The following PRRG3 variants were observed in gnomAD, a reference collection of about 807,000 sequenced individuals.
PRRG3 encodes the protein proline rich and Gla domain 3, also known as transmembrane gamma-carboxyglutamic acid protein 3.
Under a neutral mutation model 15.8 loss-of-function variants are expected in PRRG3, and 21 were observed. The observed-to-expected ratio is 1.33, with a 90% CI of 0.94 to 1.92. The LOEUF (loss-of-function observed/expected upper bound fraction) is 1.92, where lower values mean the gene tolerates loss of function less well. PRRG3 is among the 40% of genes most tolerant of loss of function. The pLI is 0.00. For missense variants in PRRG3, 251 were observed against 200.2 expected (o/e 1.25, Z -1.53); for synonymous variants, 125 against 84.1 (o/e 1.49, Z -2.66).
rs113076192 is a variant in PRRG3 at position 151,696,784 on chromosome X, A to C, written c.-32+1240A>C. On this transcript the variant is annotated intron_variant, in intron 1 of 3. Transcript: ENST00000674457. ...TCCATAATGCAAGCAGAATTTTGAGATCATATTCCATCTTGGTTCTGACAA... is the reference window on the plus strand; with the variant it reads ...TCCATAATGCAAGCAGAATTTTGAGCTCATATTCCATCTTGGTTCTGACAA... Among the ~76,000 whole-genome samples the C allele has an allele frequency of 3.7e-3, 410 of 110,335 alleles. 3 individuals carry two copies. The highest frequency in any genetic ancestry group is 0.013 in the African/African-American group (387 of 30,397).
At position 151,701,053 on chromosome X, in the gene PRRG3, C is replaced by A. The variant is rs746457815; in HGVS notation, c.*20C>A. ...AAGTAGTGGGACGTTTGTGCCCTGTCCTGGATGAACGCCTCTTTCCGAGGT... is the reference window on the plus strand; with the variant it reads ...AAGTAGTGGGACGTTTGTGCCCTGTACTGGATGAACGCCTCTTTCCGAGGT... On this transcript the variant is annotated 3_prime_UTR_variant, in exon 4 of 4. Coordinates refer to ENST00000674457, the MANE Select transcript of PRRG3 (RefSeq NM_001372163.1). The A allele has an allele frequency of 1.7e-5, 18 of 1,084,544 alleles. No homozygotes were observed. The highest frequency in any genetic ancestry group is 2.2e-5 in the Non-Finnish European group (18 of 828,633). The allele number at this position is 1,084,544 out of a possible 1,213,427, so 89.4% of individuals were successfully genotyped here.
rs1444567111 is a variant in PRRG3, at chrX:151,702,860, C to T, written c.*1827C>T. 3 of 112,431 alleles carry T rather than the reference C, an allele frequency of 2.7e-5. No homozygotes were observed. The highest frequency in any genetic ancestry group is 9.7e-5 in the African/African-American group (3 of 30,946). The allele number at this position is 112,431 out of a possible 1,213,427, so 9.3% of individuals were successfully genotyped here. On this transcript the variant is annotated 3_prime_UTR_variant, in exon 4 of 4. Transcript: ENST00000674457. ...CAAAGGGGTTTTTGGCTTAAGAGGC[C>T]CCTGCTTTTTCCATGTTGGGGGACC...
upstream of PRRG3, among the ~76,000 whole-genome samples, chrX:151,694,699 CT>C (rs1161016683): frequency 9.1e-6 from 1 of 109,934 alleles, no homozygotes; most frequent in Non-Finnish European, 1.9e-5. Flanking sequence ...GCTAGCCCCC[CT>C]CTCTTTTCGT....
chrX:151,697,381 C>T (rs2014785666), intron 1 of PRRG3, among the ~76,000 whole-genome samples: 1 of 110,090 alleles, frequency 9.1e-6, no homozygotes, highest in African/African-American at 3.3e-5. Flanking sequence ...TCAAGCCAGT[C>T]CCAAACTCCT....
rs2014863565 is a variant in PRRG3 at position 151,700,830 on chromosome X, G to A, written c.493G>A (p.Gly165Ser). The change falls in exon 4 of 4, where the codon GGC (glycine) becomes AGC (serine). Residue 165 changes from glycine to serine, a missense_variant. Gly to Ser is a moderately conservative substitution (Grantham distance 56, BLOSUM62 0). Transcript: ENST00000674457. ...PQVVLGPSRG[G>S]RTTVRLESTL... is the part of the protein sequence containing the mutation. ...GGTGGTGCTGGGGCCCAGTCGGGGG[G>A]GCAGGACCACAGTCCGGCTAGAGAG... is the stretch of plus-strand genomic sequence containing the variant. 3 of 1,195,644 alleles carry A rather than the reference G, an allele frequency of 2.5e-6. No individual in the cohort carries two copies. The highest frequency in any genetic ancestry group is 3.0e-5 in the East Asian group (1 of 33,483).
chrX:151,705,892 A>T lies in PRRG3; in HGVS notation c.*4859A>T, dbSNP rs2014964649. The stretch of plus-strand genomic sequence containing the variant: ...TTGTCTCCTTCTTTACAAGAAAACA[A>T]TAATAATAAAGAGCAAATGGCATCC... On this transcript the variant is annotated 3_prime_UTR_variant, in exon 4 of 4. Transcript: ENST00000674457. 8.8e-6 allele frequency: 1 copy of T among 113,373 alleles called. No homozygotes were observed. Among genetic ancestry groups the T allele is most frequent in the African/African-American group, 3.2e-5 (1 of 30,799 alleles). 9.3% of individuals were successfully genotyped at this position (113,373 alleles called of 1,213,427 possible).
chrX:151,700,293 G>A (rs1469919562), intron 3 of PRRG3, 137 bp downstream of exon 3: 5 of 1,166,918 alleles, frequency 4.3e-6, no homozygotes, highest in Non-Finnish European at 5.7e-6. Flanking sequence ...CCATCACGGA[G>A]CAGATAAAGT....
intron 2 of PRRG3, 91 bp from the exon 3 acceptor site, chrX:151,699,905 A>G: frequency 1.0e-6 from 1 of 953,167 alleles, no homozygotes; most frequent in Non-Finnish European, 1.4e-6. Flanking sequence ...GTTTCCCTGC[A>G]TAATTATGCT....
upstream of PRRG3, chrX:151,695,000 G>A (rs762639364): frequency 9.2e-6 from 1 of 108,623 alleles, no homozygotes; most frequent in South Asian, 3.7e-4. Flanking sequence ...CGCGGTGCTC[G>A]GTGCGCGCCG....
intron 2 of PRRG3, among the ~76,000 whole-genome samples, chrX:151,699,411 A>G (rs986029480): frequency 1.8e-5 from 2 of 112,322 alleles, no homozygotes; most frequent in Non-Finnish European, 3.8e-5. Context: ...AGGCTCGTGT[A>G]TGCCCACTTG....
chrX:151,696,907 G>A, intron 1 of PRRG3, among the ~76,000 whole-genome samples: 1 of 112,215 alleles, frequency 8.9e-6, no homozygotes, highest in Middle Eastern at 4.6e-3. Flanking sequence ...AAAAGAGAAA[G>A]CCCCTTGATG....
chrX:151,705,092 G>A lies in PRRG3; in HGVS notation c.*4059G>A, dbSNP rs189421527. 6.1e-5 allele frequency: 14 copies of A among 228,356 alleles called. No homozygotes were observed. The East Asian group carries it at 1.7e-3, about 28-fold the overall frequency. The allele number at this position is 228,356 out of a possible 1,213,427, so 18.8% of individuals were successfully genotyped here. On this transcript the variant is annotated 3_prime_UTR_variant, in exon 4 of 4. Transcript: ENST00000674457. ...CCTTCACCGTGCCTTCAGCTTTGCAGTTCAGCACTTCTCGTATGTACAGGG... is the reference window on the plus strand; with the variant it reads ...CCTTCACCGTGCCTTCAGCTTTGCAATTCAGCACTTCTCGTATGTACAGGG...
chrX:151,697,394 C>T (rs1290925922), intron 1 of PRRG3, among the ~76,000 whole-genome samples: 1 of 110,410 alleles, frequency 9.1e-6, no homozygotes, highest in Non-Finnish European at 1.9e-5. Context: ...AAACTCCTGA[C>T]CTGAGGTGAT....
rs1337501678 is a variant in PRRG3 at position 151,700,715 on chromosome X, G to T, written c.378G>T (p.Gly126=). The T allele has an allele frequency of 8.3e-7, 1 of 1,210,214 alleles. No individual in the cohort carries two copies. Among genetic ancestry groups the T allele is most frequent in the Non-Finnish European group, 1.1e-6 (1 of 894,592 alleles). Residue 126 remains glycine (G), a synonymous_variant, in exon 4 of 4, where the codon GGG becomes GGT. Coordinates refer to ENST00000674457, the MANE Select transcript of PRRG3 (RefSeq NM_001372163.1). ...AQNRYLASRA[G]HTLPRVMVYR... is the part of the protein sequence containing the mutation. ...ACCGGTACCTAGCCAGTCGCGCCGG[G>T]CACACCCTCCCCCGGGTCATGGTGT...
In PRRG3 at chrX:151,700,257, C is replaced by T. The variant is rs751507277; in HGVS notation, c.168+101C>T. On this transcript the variant is annotated intron_variant, in intron 3 of 3. Coordinates refer to ENST00000674457, the MANE Select transcript of PRRG3 (RefSeq NM_001372163.1). ...GACCAATCAGAAGCAAGGAAAGACA[C>T]CCAGCCTAAGGCATAGCCACTAGGG... 3 of 1,195,800 alleles carry T rather than the reference C, an allele frequency of 2.5e-6. No homozygotes were observed. The East Asian group carries it at 9.0e-5, about 36-fold the overall frequency.
chrX:151,698,522 C>T (rs1377974770), intron 1 of PRRG3: 1 of 262,874 alleles, frequency 3.8e-6, no homozygotes, highest in Non-Finnish European at 6.7e-6. Flanking sequence ...TATAGATGCT[C>T]AGAACATGTT....
intron 3 of PRRG3, 113 bp from the exon 4 acceptor site, chrX:151,700,393 T>G: frequency 1.8e-6 from 2 of 1,134,448 alleles, no homozygotes; most frequent in Admixed American, 2.8e-5. Context: ...GCCTCTCTGG[T>G]AACTCTGTGA....
At chrX:151,694,607 A>T (rs142279586), upstream of PRRG3, among the ~76,000 whole-genome samples, 141 of 112,430 alleles carry the variant, frequency 1.3e-3, no homozygotes, top group Middle Eastern at 4.6e-3. Context: ...AAGGTCACCC[A>T]GTCATTGGCG....
rs1230107472 is a variant in PRRG3, at chrX:151,702,708, C to T, written c.*1675C>T. 8.9e-6 allele frequency: 1 copy of T among 112,428 alleles called. No homozygotes were observed. The highest frequency in any genetic ancestry group is 3.2e-5 in the African/African-American group (1 of 30,927). 9.3% of individuals were successfully genotyped at this position (112,428 alleles called of 1,213,427 possible). A position where few individuals can be genotyped will look rare whatever the true frequency, so the allele number is the denominator to read the frequency against. ...CTCCCGTCAGTTGACCCTTTCCATC[C>T]TCTCGTCCTCCCTTTCCAGAGCTCC... On this transcript the variant is annotated 3_prime_UTR_variant, in exon 4 of 4. Transcript: ENST00000674457.
Sources: allele counts gnomAD v4.1 joint callset (sites outside exome capture counted in the v4.1 genomes callset), GRCh38; gene constraint gnomAD v4.1.1; transcripts MANE v1.5; gene names NCBI Gene and HGNC (gene_info 2026-07-23, HGNC 2026-07-21).